Variants in REEP1 observed in about 807,000 individuals in gnomAD.
REEP1 encodes the protein receptor accessory protein 1.
In REEP1, 22 loss-of-function variants were observed where a neutral mutation model predicts 40.3. The observed-to-expected ratio is 0.55, with a 90% CI of 0.39 to 0.78. The LOEUF is 0.78. REEP1 is among the 30% of genes least tolerant of loss of function. The pLI, the probability that REEP1 is intolerant of heterozygous loss-of-function variation, is 0.00. For synonymous variants in REEP1, 116 were observed against 139.2 expected (o/e 0.83, Z 1.17); for missense variants, 280 against 361.1 (o/e 0.78, Z 1.82).
chr2:86,309,190 T>G (rs1279988367), intron 1 of REEP1, among the ~76,000 whole-genome samples: 1 of 152,228 alleles, frequency 6.6e-6, no homozygotes, highest in Non-Finnish European at 1.5e-5. Flanking sequence ...GTGAGCTCCC[T>G]GCCACTTCCA....
In REEP1 at chr2:86,285,121, A is replaced by G. The variant is rs531888540; in HGVS notation, c.33-2879T>C. Among the ~76,000 whole-genome samples, 17 of 151,658 alleles carry G rather than the reference A, an allele frequency of 1.1e-4. No homozygotes were observed. In the East Asian group the frequency reaches 3.3e-3, roughly 30 times the overall value. ...ACCGGCCTCACTGGCCTTGCTTCCC[A>G]CCCCTCCCTCAGCCTTGGGTTCACA... On this transcript the variant is annotated intron_variant, in intron 1 of 8. Transcript: ENST00000538924.
At chr2:86,269,015 G>C (rs1221844537) in intron 2 of REEP1, among the ~76,000 whole-genome samples, 2 of 152,084 alleles carry the variant, frequency 1.3e-5, no homozygotes, top group Non-Finnish European at 2.9e-5. Context: ...TAAATGCAAA[G>C]CACAAGACTA....
Position 86,309,239 on chromosome 2 carries a change from C to T in REEP1, c.33-26997G>A, listed in dbSNP as rs555194316. Among the ~76,000 whole-genome samples, 7 of 152,350 alleles carry T rather than the reference C, an allele frequency of 4.6e-5. No homozygotes were observed. In the East Asian group the frequency reaches 1.3e-3, roughly 29 times the overall value. ...CCTCCCGTCAGCACCCCTAACCTCT[C>T]TGGACCTGTAAGTAATAAATGTCTT... On this transcript the variant is annotated intron_variant, in intron 1 of 8. Coordinates refer to ENST00000538924, the MANE Select transcript of REEP1 (RefSeq NM_001371279.1).
At chr2:86,282,284 A>C (rs1367879742) in intron 1 of REEP1, 42 bp from the exon 2 acceptor site, 1 of 1,406,628 alleles carries the variant, frequency 7.1e-7, no homozygotes, top group African/African-American at 1.4e-5. Flanking sequence ...TTTTTCATTT[A>C]TCTTATTTAA....
intron 1 of REEP1, among the ~76,000 whole-genome samples, chr2:86,311,970 G>A (rs147650826): frequency 6.6e-6 from 1 of 152,168 alleles, no homozygotes; most frequent in East Asian, 1.9e-4. Flanking sequence ...CTTCTGATTT[G>A]CACATGTGTG....
At chr2:86,241,141 G>A (rs551662668) in intron 5 of REEP1, among the ~76,000 whole-genome samples, 31 of 152,312 alleles carry the variant, frequency 2.0e-4, no homozygotes, top group African/African-American at 7.5e-4. Context: ...TACAGCAGCT[G>A]CCCCTGGCCT....
chr2:86,244,804 A>G (rs1022805132), intron 5 of REEP1, among the ~76,000 whole-genome samples: 3 of 152,230 alleles, frequency 2.0e-5, no homozygotes, highest in African/African-American at 4.8e-5. Context: ...ACTTTCTTCA[A>G]TAATGGAAAT....
chr2:86,232,584 G>A (rs1433687750), intron 6 of REEP1, 41 bp downstream of exon 6: 11 of 1,604,764 alleles, frequency 6.9e-6, no homozygotes, highest in Admixed American at 1.7e-5. Context: ...TGAAAGCGAG[G>A]CCCAAGGAGT....
At chr2:86,255,326 CCAAA>C (rs1676497226) in intron 3 of REEP1, among the ~76,000 whole-genome samples, 1 of 152,150 alleles carries the variant, frequency 6.6e-6, no homozygotes, top group African/African-American at 2.4e-5. Flanking sequence ...CCTTCTTGGC[CCAAA>C]CAGAGGCAGG....
chr2:86,332,788 T>A (rs867005037), intron 1 of REEP1, among the ~76,000 whole-genome samples: 29 of 152,182 alleles, frequency 1.9e-4, no homozygotes, highest in Admixed American at 3.3e-4. Flanking sequence ...TCTAAGCTAG[T>A]ATTTTTCACT....
At chr2:86,254,266 A>G (rs1467602220) in intron 4 of REEP1, among the ~76,000 whole-genome samples, 3 of 152,136 alleles carry the variant, frequency 2.0e-5, no homozygotes, top group African/African-American at 7.2e-5. Context: ...TCTGGGCTCA[A>G]GTGATTCTCC....
chr2:86,325,350 T>A (rs1362235421), intron 1 of REEP1, among the ~76,000 whole-genome samples: 3 of 152,244 alleles, frequency 2.0e-5, no homozygotes, highest in Non-Finnish European at 4.4e-5. Context: ...CCCCTCAGCC[T>A]GGAGGCAGTA....
chr2:86,225,697 G>A (rs1674643303), intron 7 of REEP1, among the ~76,000 whole-genome samples: 1 of 152,246 alleles, frequency 6.6e-6, no homozygotes, highest in Non-Finnish European at 1.5e-5. Flanking sequence ...GCCGATGTGG[G>A]AGGGGCATGT....
chr2:86,261,936 T>C (rs1279152709), intron 3 of REEP1, among the ~76,000 whole-genome samples: 1 of 152,240 alleles, frequency 6.6e-6, no homozygotes, highest in East Asian at 1.9e-4. Context: ...CATTGAGATG[T>C]TTATGTGTAT....
intron 1 of REEP1, among the ~76,000 whole-genome samples, chr2:86,335,749 T>A (rs949345700): frequency 2.0e-5 from 3 of 150,360 alleles, no homozygotes; most frequent in Non-Finnish European, 4.4e-5. Context: ...CTCGGGAGGC[T>A]GAGGCAGGAG....
At chr2:86,246,881 A>T (rs1481056307) in intron 5 of REEP1, among the ~76,000 whole-genome samples, 1 of 151,788 alleles carries the variant, frequency 6.6e-6, no homozygotes, top group Non-Finnish European at 1.5e-5. Context: ...TTGTATTTTC[A>T]GTGGAGACAG....
chr2:86,306,888 G>GA (rs772994139), intron 1 of REEP1, among the ~76,000 whole-genome samples: 343 of 130,650 alleles, frequency 2.6e-3, no homozygotes, highest in Middle Eastern at 4.1e-3. Flanking sequence ...GGAGCCAAAA[G>GA]AAAAAAAAAA....
chr2:86,218,330 C>T (rs1674237648), intron 8 of REEP1, among the ~76,000 whole-genome samples: 1 of 152,196 alleles, frequency 6.6e-6, no homozygotes, highest in South Asian at 2.1e-4. Context: ...TGGGGACTTC[C>T]TGAGGGCAGG....
At chr2:86,321,541 A>T (rs899519299) in intron 1 of REEP1, among the ~76,000 whole-genome samples, 6 of 152,064 alleles carry the variant, frequency 3.9e-5, no homozygotes, top group Non-Finnish European at 2.9e-5. Context: ...AACATAGCTT[A>T]AAAAAAATCC....
Sources: allele counts gnomAD v4.1 joint callset (sites outside exome capture counted in the v4.1 genomes callset), GRCh38; gene constraint gnomAD v4.1.1; transcripts MANE v1.5; gene names NCBI Gene and HGNC (gene_info 2026-07-23, HGNC 2026-07-21).